RFX3: variants seen among roughly 807,000 people sequenced by gnomAD.
RFX3 encodes the protein transcription factor RFX3.
In RFX3, 14 loss-of-function variants were observed where a neutral mutation model predicts 98.6. That is an observed-to-expected ratio of 0.14 (90% CI 0.09 to 0.22). The LOEUF is 0.22. Among genes scored for constraint, RFX3 ranks in the 10% least tolerant of loss-of-function variants. The pLI, the probability that RFX3 is intolerant of heterozygous loss-of-function variation, is 1.00. For missense variants in RFX3, 639 were observed against 926.9 expected (o/e 0.69, Z 4.03); for synonymous variants, 383 against 328.4 (o/e 1.17, Z -1.80).
intron 1 of RFX3, among the ~76,000 whole-genome samples, chr9:3,423,281 C>T (rs962121700): frequency 7.9e-5 from 12 of 152,164 alleles, no homozygotes; most frequent in South Asian, 2.1e-4. Context: ...CAATATTCCA[C>T]TCCTAAGTAT....
intron 4 of RFX3, among the ~76,000 whole-genome samples, chr9:3,329,692 C>T (rs983662285): frequency 8.5e-5 from 13 of 152,076 alleles, no homozygotes; most frequent in African/African-American, 1.9e-4. Context: ...AAATTACACA[C>T]GATTTTCTAT....
chr9:3,490,387 T>C lies in RFX3; in HGVS notation c.-9+35360A>G, dbSNP rs1850638576. 4.0e-6 allele frequency: 3 copies of C among 750,386 alleles called. No individual in the cohort carries two copies. The South Asian group carries it at 1.8e-4, about 46-fold the overall frequency. 46.5% of individuals were successfully genotyped at this position (750,386 alleles called of 1,614,324 possible). A position where few individuals can be genotyped will look rare whatever the true frequency, so the allele number is the denominator to read the frequency against. On this transcript the variant is annotated intron_variant, in intron 1 of 16. Transcript: ENST00000617270. ...AAGAACAATTAGTTCACATTAAAAATGAATTTTTTGATATGTAGAAGCCAT... is the reference window on the plus strand; with the variant it reads ...AAGAACAATTAGTTCACATTAAAAACGAATTTTTTGATATGTAGAAGCCAT...
chr9:3,291,045 C>T (rs1301824917), intron 6 of RFX3, among the ~76,000 whole-genome samples: 2 of 152,126 alleles, frequency 1.3e-5, no homozygotes, highest in Admixed American at 6.5e-5. Context: ...TTTGAAGACA[C>T]AGGGATGCAG....
chr9:3,463,654 G>C (rs1847919931), intron 1 of RFX3, among the ~76,000 whole-genome samples: 1 of 152,022 alleles, frequency 6.6e-6, no homozygotes, highest in South Asian at 2.1e-4. Context: ...AACTCAATAA[G>C]AAGGAAACAA....
At chr9:3,277,734 T>G (rs921301633) in intron 7 of RFX3, among the ~76,000 whole-genome samples, 1 of 152,034 alleles carries the variant, frequency 6.6e-6, no homozygotes, top group African/African-American at 2.4e-5. Flanking sequence ...GGTATTTCTT[T>G]GGACAGCAGG....
chr9:3,489,012 G>C (rs995865838), intron 1 of RFX3: 58 of 437,486 alleles, frequency 1.3e-4, no homozygotes, highest in Non-Finnish European at 3.9e-5. Flanking sequence ...ACAATTTTTA[G>C]AACTTAGAAA....
chr9:3,402,718 C>T (rs1841587901), intron 1 of RFX3, among the ~76,000 whole-genome samples: 1 of 151,342 alleles, frequency 6.6e-6, no homozygotes. Context: ...ATCAGCATTC[C>T]TAAATAAATG....
intron 2 of RFX3, among the ~76,000 whole-genome samples, chr9:3,357,388 TAG>T (rs1020328661): frequency 1.3e-5 from 2 of 152,046 alleles, no homozygotes; most frequent in African/African-American, 4.8e-5. Context: ...ATTAAAAATT[TAG>T]AGTCTCTACT....
At chr9:3,518,478 C>T (rs1818394232) in intron 1 of RFX3, among the ~76,000 whole-genome samples, 1 of 152,160 alleles carries the variant, frequency 6.6e-6, no homozygotes, top group East Asian at 1.9e-4. Context: ...CACAGACAAA[C>T]ATCTGTACAA....
At chr9:3,441,785 C>A (rs1056320311) in intron 1 of RFX3, among the ~76,000 whole-genome samples, 1 of 152,174 alleles carries the variant, frequency 6.6e-6, no homozygotes, top group African/African-American at 2.4e-5. Context: ...TAAATACCCA[C>A]ACCTCTAGGA....
intron 16 of RFX3, among the ~76,000 whole-genome samples, chr9:3,228,501 G>A (rs1484864976): frequency 6.6e-6 from 1 of 152,162 alleles, no homozygotes; most frequent in Non-Finnish European, 1.5e-5. Context: ...TGCCTGGTGG[G>A]CCTTGAATAA....
chr9:3,504,208 ATAT>A (rs1400735037), intron 1 of RFX3, among the ~76,000 whole-genome samples: 1 of 134,168 alleles, frequency 7.5e-6, no homozygotes, highest in African/African-American at 2.9e-5. Context: ...TATATTATAT[ATAT>A]TATATACTAT....
rs12685484 is a variant in RFX3, at chr9:3,342,161, A to G, written c.215+4506T>C. Among the ~76,000 whole-genome samples the G allele has an allele frequency of 2.1e-3, 315 of 152,354 alleles. 10 individuals are homozygous for G. The East Asian group carries it at 0.056, about 27-fold the overall frequency. ...GGATTTTAAATTATTCAATGTCAAT[A>G]TATATTAGTGTACCATTTCCCAAAG... On this transcript the variant is annotated intron_variant, in intron 3 of 16. Coordinates refer to ENST00000617270, the MANE Select transcript of RFX3 (RefSeq NM_001282116.2).
chr9:3,415,157 TTATA>T (rs1163285218), intron 1 of RFX3, among the ~76,000 whole-genome samples: 2 of 139,300 alleles, frequency 1.4e-5, no homozygotes, highest in African/African-American at 5.3e-5. Flanking sequence ...ATATATATTC[TTATA>T]TATATATACT....
At chr9:3,495,375 C>T (rs1208487031) in intron 1 of RFX3, among the ~76,000 whole-genome samples, 1 of 151,840 alleles carries the variant, frequency 6.6e-6, no homozygotes, top group Non-Finnish European at 1.5e-5. Flanking sequence ...AGACATTGCA[C>T]CACACAAAAT....
chr9:3,263,165 T>C (rs1823147339), intron 12 of RFX3, 81 bp from the exon 13 acceptor site: 1 of 1,473,004 alleles, frequency 6.8e-7, no homozygotes, highest in Non-Finnish European at 9.3e-7. Flanking sequence ...TTCTTTCCCT[T>C]CACAAATTTT....
At position 3,346,705 on chromosome 9, in the gene RFX3, A is replaced by G. The variant is rs780432518; in HGVS notation, c.177T>C (p.Tyr59=). 6.2e-7 allele frequency: 1 copy of G among 1,613,706 alleles called. No homozygotes were observed. The highest frequency in any genetic ancestry group is 1.1e-5 in the South Asian group (1 of 91,078). ...TATAGACAGTATCGCTTCCTTCCAC[A>G]TACTGCACCTGAGCGGGATAGACAT... ...VQHVYPAQVQ[Y]VEGSDTVYTN... is the part of the protein sequence containing the mutation. The change falls in exon 3 of 17, where the codon TAT becomes TAC. Residue 59 remains tyrosine (Y), a synonymous_variant. Coordinates refer to ENST00000617270, the MANE Select transcript of RFX3 (RefSeq NM_001282116.2).
At chr9:3,318,748 T>C (rs1472764599) in intron 4 of RFX3, among the ~76,000 whole-genome samples, 2 of 152,136 alleles carry the variant, frequency 1.3e-5, no homozygotes, top group Non-Finnish European at 2.9e-5. Context: ...AACCTGAAAT[T>C]TTGGCAATTT....
rs1431748638 is a variant in RFX3, at chr9:3,340,123, G to C, written c.215+6544C>G. On this transcript the variant is annotated intron_variant, in intron 3 of 16. Transcript: ENST00000617270. Reference sequence around the variant, plus strand: ...GCATATCTACAACCATCTGATCTTTGACAAACCTGGCAAAAACAAGCAATG... The same window carrying C: ...GCATATCTACAACCATCTGATCTTTCACAAACCTGGCAAAAACAAGCAATG... Among the ~76,000 whole-genome samples the C allele has an allele frequency of 4.6e-5, 7 of 152,126 alleles. No individual in the cohort carries two copies. In the East Asian group the frequency reaches 1.2e-3, roughly 25 times the overall value.
Sources: allele counts gnomAD v4.1 joint callset (sites outside exome capture counted in the v4.1 genomes callset), GRCh38; gene constraint gnomAD v4.1.1; transcripts MANE v1.5; gene names NCBI Gene and HGNC (gene_info 2026-07-23, HGNC 2026-07-21).